SH3PXD2B: variants seen among roughly 807,000 people sequenced by gnomAD.
SH3PXD2B encodes SH3 and PX domain-containing protein 2B.
SH3PXD2B carries 37 observed loss-of-function variants against 73.1 expected under a neutral mutation model. That is an observed-to-expected ratio of 0.51 (90% confidence interval 0.39 to 0.67). The LOEUF (loss-of-function observed/expected upper bound fraction) is 0.67. SH3PXD2B is among the 30% of genes least tolerant of loss of function. The pLI, the probability that SH3PXD2B is intolerant of heterozygous loss-of-function variation, is 0.00. For synonymous variants in SH3PXD2B, 457 were observed against 480.5 expected (o/e 0.95, Z 0.64); for missense variants, 1,053 against 1,197.8 (o/e 0.88, Z 1.78).
intron 2 of SH3PXD2B, among the ~76,000 whole-genome samples, chr5:172,419,712 C>A (rs529579007): frequency 6.6e-6 from 1 of 152,158 alleles, no homozygotes; most frequent in Non-Finnish European, 1.5e-5. Context: ...TCCAACCCCA[C>A]CCCTCTCTTC....
In SH3PXD2B at chr5:172,353,822, T is replaced by A. The variant is rs557171625; in HGVS notation, c.785+66A>T. The A allele has an allele frequency of 5.7e-4, 740 of 1,290,920 alleles. 18 individuals carry two copies. In the South Asian group the frequency reaches 8.5e-3, roughly 15 times the overall value. The allele number at this position is 1,290,920 out of a possible 1,614,324, so 80.0% of individuals were successfully genotyped here. ...GACCTCTGTGAGGCCAGAGTCCCTG[T>A]GACCCCAAACCCACCCAGCGTGACC... On this transcript the variant is annotated intron_variant, in intron 9 of 12. Transcript: ENST00000311601. This position sits in a 1 kb window ranked among gnomAD's most constrained non-coding sequence, Gnocchi z 4.3.
intron 1 of SH3PXD2B, among the ~76,000 whole-genome samples, chr5:172,425,504 G>A (rs1014226221): frequency 3.9e-5 from 6 of 152,134 alleles, no homozygotes; most frequent in Non-Finnish European, 8.8e-5. Context: ...CGAGAGCTGA[G>A]GAAAGGGCGT....
intron 12 of SH3PXD2B, among the ~76,000 whole-genome samples, chr5:172,342,839 T>C (rs4282336): frequency 0.74 from 112,358 of 151,966 alleles, 42,849 homozygotes; most frequent in African/African-American, 0.94. Context: ...TGGCTGCGGG[T>C]ACTTTGTGGC....
intron 4 of SH3PXD2B, among the ~76,000 whole-genome samples, chr5:172,390,195 T>C (rs189223807): frequency 6.6e-6 from 1 of 152,334 alleles, no homozygotes; most frequent in East Asian, 1.9e-4. Context: ...TTACAGGTCA[T>C]CTCTGTTTCT....
intron 1 of SH3PXD2B, among the ~76,000 whole-genome samples, chr5:172,436,523 A>C (rs1226240996): frequency 6.6e-6 from 1 of 152,220 alleles, no homozygotes; most frequent in Non-Finnish European, 1.5e-5. Context: ...ACATGAGGCC[A>C]GAGGGGAAAG....
chr5:172,343,651 A>C (rs993440997), intron 12 of SH3PXD2B, among the ~76,000 whole-genome samples: 1 of 152,096 alleles, frequency 6.6e-6, no homozygotes, highest in Non-Finnish European at 1.5e-5. Flanking sequence ...AAATACAAAA[A>C]AAAATTAGCC....
intron 12 of SH3PXD2B, among the ~76,000 whole-genome samples, chr5:172,345,051 CAAAGGAAGGAG>C (rs1313618386): frequency 7.6e-6 from 1 of 131,866 alleles, no homozygotes; most frequent in African/African-American, 3.0e-5. Context: ...GGAAGGAAAA[CAAAGGAAGGAG>C]GAAGGAGGAA....
intron 6 of SH3PXD2B, among the ~76,000 whole-genome samples, chr5:172,363,684 T>G (rs1266815587): frequency 1.3e-5 from 2 of 151,942 alleles, no homozygotes; most frequent in Non-Finnish European, 2.9e-5. Context: ...GGGAAAGGAC[T>G]TGGGGTCTTC....
intron 4 of SH3PXD2B, among the ~76,000 whole-genome samples, chr5:172,386,607 C>T (rs2113382196): frequency 7.1e-6 from 1 of 140,602 alleles, no homozygotes; most frequent in African/African-American, 2.7e-5. Context: ...ATGGCAGGCA[C>T]ATGATACCCA....
intron 12 of SH3PXD2B, among the ~76,000 whole-genome samples, chr5:172,345,740 A>G (rs1027997452): frequency 4.6e-5 from 7 of 152,220 alleles, no homozygotes; most frequent in African/African-American, 1.7e-4. Context: ...GAGGTGGTAA[A>G]GAAAGGCATA....
chr5:172,366,932 A>ATTTTTTTTTTTTTT lies in SH3PXD2B; in HGVS notation c.428-4077_428-4064dup, dbSNP rs1262636786. Among the ~76,000 whole-genome samples the ATTTTTTTTTTTTTT allele has an allele frequency of 8.5e-4, 64 of 75,098 alleles. 5 individuals carry two copies. The highest frequency in any genetic ancestry group is 3.2e-3 in the East Asian group (6 of 1,882). 49.3% of individuals were successfully genotyped at this position (75,098 alleles called of 152,430 possible). ...TAGGTGTGAGCCATCGTGCCCGGCC[A>ATTTTTTTTTTTTTT]TTTTTTTTTTTTTTTTTTTTTGGGG... On this transcript the variant is annotated intron_variant, in intron 6 of 12. Transcript: ENST00000311601.
At chr5:172,379,771 G>A (rs1225487265) in intron 5 of SH3PXD2B, among the ~76,000 whole-genome samples, 1 of 152,158 alleles carries the variant, frequency 6.6e-6, no homozygotes, top group African/African-American at 2.4e-5. Flanking sequence ...TCACAATAGA[G>A]CAAGTGGAAG....
At chr5:172,391,926 TC>T (rs1272601402) in intron 4 of SH3PXD2B, among the ~76,000 whole-genome samples, 11 of 152,240 alleles carry the variant, frequency 7.2e-5, no homozygotes, top group African/African-American at 2.7e-4. Flanking sequence ...TATGTTTTCT[TC>T]TAGAAGTTTT....
chr5:172,329,314 C>A (rs1314448760), downstream of SH3PXD2B, among the ~76,000 whole-genome samples: 1 of 150,636 alleles, frequency 6.6e-6, no homozygotes, highest in African/African-American at 2.4e-5. Context: ...GAACTTCTCA[C>A]CTCAAGTGAT....
At chr5:172,327,603 A>C (rs1756469006) in intron 12 of SH3PXD2B, among the ~76,000 whole-genome samples, 1 of 152,186 alleles carries the variant, frequency 6.6e-6, no homozygotes, top group African/African-American at 2.4e-5. Context: ...CAGTTTATTT[A>C]TTTTAGAGGC....
intron 6 of SH3PXD2B, among the ~76,000 whole-genome samples, chr5:172,368,676 A>C (rs574868246): frequency 3.2e-5 from 1 of 31,158 alleles, no homozygotes; most frequent in Non-Finnish European, 4.5e-5. Context: ...ATATATATAA[A>C]ATATATATGT....
intron 1 of SH3PXD2B, among the ~76,000 whole-genome samples, chr5:172,439,270 C>CCA (rs1759479522): frequency 2.2e-5 from 1 of 44,656 alleles, no homozygotes; most frequent in African/African-American, 1.1e-4. Context: ...AAAACAAAAA[C>CCA]AAAAACAAAA....
downstream of SH3PXD2B, chr5:172,333,377 CCT>C (rs1487532723): frequency 2.6e-5 from 12 of 460,462 alleles, no homozygotes; most frequent in Middle Eastern, 9.4e-4. Context: ...AGGGGTCGCC[CCT>C]ATTTCTCCAC....
At chr5:172,420,047 C>G (rs1359822848) in intron 2 of SH3PXD2B, among the ~76,000 whole-genome samples, 1 of 152,202 alleles carries the variant, frequency 6.6e-6, no homozygotes, top group Non-Finnish European at 1.5e-5. Flanking sequence ...CAGGACTGTG[C>G]CTCCTGCCCA....
Sources: allele counts gnomAD v4.1 joint callset (sites outside exome capture counted in the v4.1 genomes callset), GRCh38; gene constraint gnomAD v4.1.1; non-coding constraint Gnocchi (gnomAD v3.1); transcripts MANE v1.5; gene names NCBI Gene and HGNC (gene_info 2026-07-23, HGNC 2026-07-21).